The following PTPRN2 variants were observed in gnomAD, a reference collection of about 807,000 sequenced individuals.
The protein encoded by PTPRN2 is protein tyrosine phosphatase receptor type N2.
Under a neutral mutation model 118.8 loss-of-function variants are expected in PTPRN2, and 74 were observed. The observed-to-expected ratio is 0.62, with a 90% confidence interval of 0.52 to 0.76. The LOEUF (loss-of-function observed/expected upper bound fraction) is 0.76. Among genes scored for constraint, PTPRN2 ranks in the 30% least tolerant of loss-of-function variants. The pLI, the probability that PTPRN2 is intolerant of heterozygous loss-of-function variation, is 0.00. For missense variants in PTPRN2, 1,481 were observed against 1,394.4 expected, an observed-to-expected ratio of 1.06 and a Z score of -0.99; for synonymous variants, 641 against 608.0, an observed-to-expected ratio of 1.05 and a Z score of -0.80.
At chr7:157,580,540 C>CA (rs1800299454) in intron 17 of PTPRN2, among the ~76,000 whole-genome samples, 1 of 145,328 alleles carries the variant, frequency 6.9e-6, no homozygotes. Context: ...CACACCCGAG[C>CA]CGAGCCCCTG....
Position 158,398,968 on chromosome 7 carries a change from A to AT in PTPRN2, c.164-82037dup, listed in dbSNP as rs574064918. ...ATGTAGTACGCTGTGACTAGTATTA[A>AT]TTTTTTTTCTTTTTGTTTTCCCTGG... is the stretch of plus-strand genomic sequence containing the variant. On this transcript the variant is annotated intron_variant, in intron 2 of 22. Coordinates refer to ENST00000389418, the MANE Select transcript of PTPRN2 (RefSeq NM_002847.5). Among the ~76,000 whole-genome samples the AT allele has an allele frequency of 1.0e-2, 1,519 of 152,062 alleles. 11 individuals are homozygous for AT. The highest frequency in any genetic ancestry group is 0.017 in the African/African-American group (691 of 41,468).
At chr7:158,210,131 CT>C (rs869191127) in intron 3 of PTPRN2, among the ~76,000 whole-genome samples, 15,180 of 108,262 alleles carry the variant, frequency 0.14, 355 homozygotes, top group Non-Finnish European at 0.18. Flanking sequence ...AATGATGCAT[CT>C]TTTTTTTTTT....
intron 11 of PTPRN2, among the ~76,000 whole-genome samples, chr7:158,020,999 A>G (rs1445147309): frequency 6.6e-6 from 1 of 152,144 alleles, no homozygotes; most frequent in Non-Finnish European, 1.5e-5. Flanking sequence ...AATTCCCTCT[A>G]CCACCCTAAA....
At chr7:157,735,181 G>A (rs1002728495) in intron 12 of PTPRN2, among the ~76,000 whole-genome samples, 3 of 152,232 alleles carry the variant, frequency 2.0e-5, no homozygotes, top group Non-Finnish European at 2.9e-5. Flanking sequence ...GCGAAGCTCC[G>A]TGTTCATGTG....
chr7:157,751,311 G>A (rs1284202343), intron 12 of PTPRN2, among the ~76,000 whole-genome samples: 2 of 152,240 alleles, frequency 1.3e-5, no homozygotes, highest in East Asian at 3.9e-4. Context: ...GATGGGGTCA[G>A]CGAGGGAGAG....
At chr7:157,604,136 C>G in intron 15 of PTPRN2, 61 bp from the exon 16 acceptor site, 1 of 1,520,968 alleles carries the variant, frequency 6.6e-7, no homozygotes, top group African/African-American at 1.4e-5. Context: ...GTGAGACCCC[C>G]ACTTGGCCTC....
At chr7:158,182,339 C>CT (rs1234961709) in intron 5 of PTPRN2, among the ~76,000 whole-genome samples, 4 of 152,068 alleles carry the variant, frequency 2.6e-5, no homozygotes, top group African/African-American at 9.7e-5. Context: ...AGTATACAGT[C>CT]TTTTTTTGTT....
At chr7:158,070,673 G>A (rs1197801769) in intron 11 of PTPRN2, among the ~76,000 whole-genome samples, 5 of 87,476 alleles carry the variant, frequency 5.7e-5, no homozygotes, top group Non-Finnish European at 9.7e-5. Flanking sequence ...CCTGGTGGTG[G>A]AGGTGCCCGT....
intron 1 of PTPRN2, among the ~76,000 whole-genome samples, chr7:158,550,803 T>G (rs1826601843): frequency 6.6e-6 from 1 of 152,246 alleles, no homozygotes; most frequent in Admixed American, 6.5e-5. Flanking sequence ...AGTGCCCTTT[T>G]CAGTTTTTAA....
At chr7:157,840,068 T>C (rs1445671971) in intron 12 of PTPRN2, among the ~76,000 whole-genome samples, 6 of 146,260 alleles carry the variant, frequency 4.1e-5, no homozygotes, top group Non-Finnish European at 9.0e-5. Context: ...ACTGTGTAAC[T>C]ATGTGTGATT....
chr7:158,244,498 T>C (rs939890999), intron 3 of PTPRN2, among the ~76,000 whole-genome samples: 3 of 152,148 alleles, frequency 2.0e-5, no homozygotes, highest in Non-Finnish European at 4.4e-5. Flanking sequence ...TGAGTGTTTA[T>C]GAGTTTTTGT....
intron 2 of PTPRN2, among the ~76,000 whole-genome samples, chr7:158,355,039 A>C (rs375791191): frequency 1.2e-4 from 15 of 130,194 alleles, no homozygotes; most frequent in Non-Finnish European, 2.3e-4. Flanking sequence ...AAAAAAAAAA[A>C]ATCTGTCACC....
At position 157,974,929 on chromosome 7, in the gene PTPRN2, G is replaced by A. The variant is rs1227502203; in HGVS notation, c.1724-76192C>T. Among the ~76,000 whole-genome samples the A allele has an allele frequency of 2.0e-5, 3 of 152,078 alleles. No individual in the cohort carries two copies. Among genetic ancestry groups the A allele is most frequent in the Non-Finnish European group, 4.4e-5 (3 of 67,992 alleles). On this transcript the variant is annotated intron_variant, in intron 11 of 22. Transcript: ENST00000389418. The surrounding 1 kb of genome is among the most constrained non-coding windows in gnomAD (Gnocchi z 4.0). The stretch of plus-strand genomic sequence containing the variant: ...TGGCGCACATGTCTGGGAGTGAGCA[G>A]AGGACCAGGGTATGGAACAAGCCCT...
chr7:158,252,448 T>C (rs1796747108), intron 3 of PTPRN2, among the ~76,000 whole-genome samples: 1 of 152,146 alleles, frequency 6.6e-6, no homozygotes, highest in African/African-American at 2.4e-5. Context: ...ATACTGCTCC[T>C]GAATTAGTGT....
chr7:158,163,248 T>C (rs1431615162), intron 6 of PTPRN2, among the ~76,000 whole-genome samples: 1 of 151,976 alleles, frequency 6.6e-6, no homozygotes. Flanking sequence ...CTCAATTCTC[T>C]CTATTTCTTA....
At chr7:157,630,800 A>G (rs1803895440) in intron 14 of PTPRN2, among the ~76,000 whole-genome samples, 1 of 152,212 alleles carries the variant, frequency 6.6e-6, no homozygotes, top group Non-Finnish European at 1.5e-5. Flanking sequence ...AGAGTGTGTG[A>G]AAGACCATTC....
chr7:158,190,793 C>T (rs1825698604), intron 5 of PTPRN2, among the ~76,000 whole-genome samples: 1 of 152,272 alleles, frequency 6.6e-6, no homozygotes, highest in Non-Finnish European at 1.5e-5. Flanking sequence ...TCTGGGCCAG[C>T]ATCAGGGCTC....
Position 157,974,043 on chromosome 7 carries a change from G to A in PTPRN2, c.1724-75306C>T, listed in dbSNP as rs913238628. Among the ~76,000 whole-genome samples, 11 of 152,214 alleles carry A rather than the reference G, an allele frequency of 7.2e-5. No individual in the cohort carries two copies. The highest frequency in any genetic ancestry group is 5.9e-5 in the Non-Finnish European group (4 of 68,040). On this transcript the variant is annotated intron_variant, in intron 11 of 22. Transcript: ENST00000389418. This position sits in a 1 kb window ranked among gnomAD's most constrained non-coding sequence, Gnocchi z 4.0. ...GATCTCTCTGACCACTGCTGTTGACGTTGGCGGGGTAGCAGGTGTGGCCAT... is the reference window on the plus strand; with the variant it reads ...GATCTCTCTGACCACTGCTGTTGACATTGGCGGGGTAGCAGGTGTGGCCAT...
rs183443485 is a variant in PTPRN2, at chr7:158,399,269, G to T, written c.164-82337C>A. On this transcript the variant is annotated intron_variant, in intron 2 of 22. Coordinates refer to ENST00000389418, the MANE Select transcript of PTPRN2 (RefSeq NM_002847.5). ...GTCACCTGGTGAATTGTTGAAAGTG[G>T]GTGTCAGTATAGGAGACCCTGCTGA... Among the ~76,000 whole-genome samples the T allele has an allele frequency of 1.1e-3, 170 of 152,280 alleles. 1 individual carries two copies. Among genetic ancestry groups the T allele is most frequent in the African/African-American group, 4.0e-3 (165 of 41,562 alleles).
Sources: allele counts gnomAD v4.1 joint callset (sites outside exome capture counted in the v4.1 genomes callset), GRCh38; gene constraint gnomAD v4.1.1; non-coding constraint Gnocchi (gnomAD v3.1); transcripts MANE v1.5; gene names NCBI Gene and HGNC (gene_info 2026-07-23, HGNC 2026-07-21).